The following AFF1 variants were observed in gnomAD, a reference collection of about 807,000 sequenced individuals.
AFF1 encodes ALF transcription elongation factor 1, also known as AF4/FMR2 family member 1.
A neutral mutation model predicts 121.7 loss-of-function variants in AFF1; 48 were observed. That is an observed-to-expected ratio of 0.39 (90% confidence interval 0.31 to 0.50). AFF1 has a LOEUF of 0.50. Ranked by LOEUF, AFF1 falls within the 20% of genes least tolerant of loss-of-function variation. The pLI, the probability that AFF1 is intolerant of heterozygous loss-of-function variation, is 0.76. For synonymous variants in AFF1, 613 were observed against 563.0 expected (o/e 1.09, Z -1.26); for missense variants, 1,523 against 1,511.7 (o/e 1.01, Z -0.12).
intron 12 of AFF1, among the ~76,000 whole-genome samples, chr4:87,115,742 G>A (rs1229730087): frequency 6.6e-6 from 1 of 150,510 alleles, no homozygotes; most frequent in Non-Finnish European, 1.5e-5. Context: ...CTGAGTAGCT[G>A]GGACCACAGG....
At chr4:86,952,002 T>C (rs1463445846) in intron 2 of AFF1, among the ~76,000 whole-genome samples, 5 of 151,860 alleles carry the variant, frequency 3.3e-5, no homozygotes, top group Admixed American at 3.3e-4. Context: ...TCTCCACAGA[T>C]ACAAATGCTA....
intron 2 of AFF1, among the ~76,000 whole-genome samples, chr4:86,961,588 G>C (rs749851409): frequency 4.6e-5 from 7 of 151,774 alleles, no homozygotes; most frequent in East Asian, 3.9e-4. Context: ...GTGTGGGAAG[G>C]GGGGGCTGAG....
At chr4:87,013,398 ATATAT>A (rs1726996062) in intron 2 of AFF1, among the ~76,000 whole-genome samples, 2 of 151,694 alleles carry the variant, frequency 1.3e-5, no homozygotes, top group Non-Finnish European at 2.9e-5. Context: ...GACAGATTTA[ATATAT>A]TAAGAGAAAA....
At chr4:87,065,000 C>T (rs367785595) in intron 4 of AFF1, among the ~76,000 whole-genome samples, 4 of 152,022 alleles carry the variant, frequency 2.6e-5, no homozygotes, top group African/African-American at 9.7e-5. Flanking sequence ...GTTCGTGCCA[C>T]TGCACTCCAG....
intron 8 of AFF1, among the ~76,000 whole-genome samples, chr4:87,103,840 G>A (rs1009992952): frequency 2.0e-5 from 3 of 152,182 alleles, no homozygotes; most frequent in African/African-American, 7.2e-5. Context: ...AGGCAAATCA[G>A]TTTTATTCAA....
intron 2 of AFF1, among the ~76,000 whole-genome samples, chr4:86,964,208 C>T (rs1221313058): frequency 6.6e-6 from 1 of 150,508 alleles, no homozygotes; most frequent in Non-Finnish European, 1.5e-5. Flanking sequence ...ACTGCAATCT[C>T]TGCCTCCCAG....
intron 2 of AFF1, among the ~76,000 whole-genome samples, chr4:86,995,923 C>T (rs1450878767): frequency 5.4e-5 from 8 of 149,028 alleles, no homozygotes; most frequent in African/African-American, 9.8e-5. Context: ...TCTGCCCTGC[C>T]GCCCCGTCCG....
At chr4:87,102,087 A>G (rs1164847561) in intron 8 of AFF1, among the ~76,000 whole-genome samples, 1 of 152,246 alleles carries the variant, frequency 6.6e-6, no homozygotes, top group Admixed American at 6.5e-5. Context: ...GCAGTTGTAC[A>G]AAGGGTTTTG....
rs143959818 is a variant in AFF1, at chr4:87,079,125, C to G, written c.1060-4995C>G. On this transcript the variant is annotated intron_variant, in intron 4 of 20. Coordinates refer to ENST00000395146, the MANE Select transcript of AFF1 (RefSeq NM_001166693.3). ...GATCTTTTGGCTTCCCTCGTCAGCA[C>G]ATTGCCTTTGTGCTCTCTCTATTTC... Among the ~76,000 whole-genome samples the G allele has an allele frequency of 1.1e-4, 16 of 152,136 alleles. No individual in the cohort carries two copies. In the East Asian group the frequency reaches 2.9e-3, roughly 28 times the overall value.
At chr4:87,105,533 CTTTG>C (rs1725824573) in intron 8 of AFF1, 91 bp from the exon 9 acceptor site, 5 of 1,389,488 alleles carry the variant, frequency 3.6e-6, no homozygotes, top group South Asian at 1.2e-5. Flanking sequence ...TATCCTCTCT[CTTTG>C]TTTAATTAGG....
At chr4:86,986,830 C>T (rs748335409) in intron 2 of AFF1, among the ~76,000 whole-genome samples, 13 of 152,002 alleles carry the variant, frequency 8.6e-5, no homozygotes, top group East Asian at 1.9e-4. Context: ...TTTTAGATAA[C>T]ATAATAGTAT....
Position 87,131,118 on chromosome 4 carries a change from A to G in AFF1, c.3000A>G (p.Glu1000=), listed in dbSNP as rs562971293. ...TTGGAAAGGCTTTTAAGTACCTGGA[A>G]GCCGTCTTGTCCTTCATTGAGTGCG... ...DRVGKAFKYL[E]AVLSFIECGI... The change falls in exon 17 of 21, where the codon GAA becomes GAG. Residue 1000 remains glutamate (E), a synonymous_variant. Transcript: ENST00000395146. 21 of 1,614,096 alleles carry G rather than the reference A, an allele frequency of 1.3e-5. No homozygotes were observed. The highest frequency in any genetic ancestry group is 3.3e-5 in the Admixed American group (2 of 60,004).
chr4:87,007,200 C>G lies in AFF1; in HGVS notation c.39-38966C>G, dbSNP rs997516316. 2.6e-5 allele frequency: 36 copies of G among 1,396,410 alleles called. No individual in the cohort carries two copies. In the African/African-American group the frequency reaches 4.5e-4, roughly 17 times the overall value. The allele number at this position is 1,396,410 out of a possible 1,614,324, so 86.5% of individuals were successfully genotyped here. A position where few individuals can be genotyped will look rare whatever the true frequency, so the allele number is the denominator to read the frequency against. ...GAGGCCCCAGTGCCCGGATGTCCATCAGGATTAGCGCGAGCCAATACGGGC... is the reference window on the plus strand; with the variant it reads ...GAGGCCCCAGTGCCCGGATGTCCATGAGGATTAGCGCGAGCCAATACGGGC... On this transcript the variant is annotated intron_variant, in intron 2 of 20. Transcript: ENST00000395146.
chr4:87,040,871 C>CTTTTTTTTT (rs780348229), intron 2 of AFF1, among the ~76,000 whole-genome samples: 2 of 67,106 alleles, frequency 3.0e-5, no homozygotes, highest in East Asian at 4.7e-4. Context: ...CCATGCCCTG[C>CTTTTTTTTT]TTTTTTTTTT....
rs573359552 is a variant in AFF1 at position 87,059,193 on chromosome 4, C to T, written c.1059+11599C>T. 2.5e-4 allele frequency among the ~76,000 whole-genome samples: 38 copies of T among 152,366 alleles called. No homozygotes were observed. The South Asian group carries it at 3.7e-3, about 15-fold the overall frequency. On this transcript the variant is annotated intron_variant, in intron 4 of 20. Coordinates refer to ENST00000395146, the MANE Select transcript of AFF1 (RefSeq NM_001166693.3). Reference sequence around the variant, plus strand: ...ATTTTCTAGCCTAAAACTCTTAAAACGTATTTTGAGATCTAGGTTCTGTTA... The same window carrying T: ...ATTTTCTAGCCTAAAACTCTTAAAATGTATTTTGAGATCTAGGTTCTGTTA...
At chr4:87,096,552 T>TCTTTTC (rs1402119118) in intron 8 of AFF1, among the ~76,000 whole-genome samples, 1 of 151,698 alleles carries the variant, frequency 6.6e-6, no homozygotes, top group African/African-American at 2.4e-5. Context: ...TTTTTCTTTT[T>TCTTTTC]CTTTTTGGAG....
rs557675156 is a variant in AFF1 at position 87,136,979 on chromosome 4, G to C, written c.*1278G>C. ...GGTTGAGGAGGAACTGTGGCCCTCC[G>C]TAAGTTATTGCCATAGTGTATGCAT... On this transcript the variant is annotated 3_prime_UTR_variant, in exon 21 of 21. Coordinates refer to ENST00000395146, the MANE Select transcript of AFF1 (RefSeq NM_001166693.3). 9.1e-6 allele frequency: 2 copies of C among 220,478 alleles called. No homozygotes were observed. Among genetic ancestry groups the C allele is most frequent in the African/African-American group, 4.5e-5 (2 of 44,616 alleles). The allele number at this position is 220,478 out of a possible 1,614,324, so 13.7% of individuals were successfully genotyped here. A position where few individuals can be genotyped will look rare whatever the true frequency, so the allele number is the denominator to read the frequency against.
intron 2 of AFF1, among the ~76,000 whole-genome samples, chr4:87,026,517 A>G (rs2149573359): frequency 6.6e-6 from 1 of 152,246 alleles, no homozygotes; most frequent in African/African-American, 2.4e-5. Context: ...GGAGACTGAC[A>G]AACAGCAGTC....
chr4:86,964,070 G>A (rs1409283528), intron 2 of AFF1, among the ~76,000 whole-genome samples: 7 of 147,982 alleles, frequency 4.7e-5, no homozygotes, highest in South Asian at 2.2e-4. Context: ...CTCCTGCCTC[G>A]GCCTCCCAAA....
Sources: allele counts gnomAD v4.1 joint callset (sites outside exome capture counted in the v4.1 genomes callset), GRCh38; gene constraint gnomAD v4.1.1; transcripts MANE v1.5; gene names NCBI Gene and HGNC (gene_info 2026-07-23, HGNC 2026-07-21).